The following LRP1B variants were observed in gnomAD, a reference collection of about 807,000 sequenced individuals.
LRP1B encodes low-density lipoprotein receptor-related protein 1B.
A neutral mutation model predicts 556.6 loss-of-function variants in LRP1B; 217 were observed. The observed-to-expected ratio is 0.39, with a 90% CI of 0.35 to 0.44. The LOEUF is 0.44. LRP1B is among the 20% of genes least tolerant of loss of function. The probability of loss-of-function intolerance (pLI) is 1.00; values close to 1 mark genes in which losing one functional copy is unlikely to be tolerated. For synonymous variants in LRP1B, 2,047 were observed against 1,865.8 expected (o/e 1.10, Z -2.50); for missense variants, 5,053 against 5,620.8 (o/e 0.90, Z 3.23).
At chr2:140,601,359 A>C in intron 42 of LRP1B, 91 bp downstream of exon 42, 1 of 1,104,522 alleles carries the variant, frequency 9.1e-7, no homozygotes, top group East Asian at 2.9e-5. Flanking sequence ...TAAAAACTTT[A>C]TTTTTAAAGT....
At chr2:141,524,008 T>A (rs1684610827) in intron 2 of LRP1B, among the ~76,000 whole-genome samples, 1 of 152,134 alleles carries the variant, frequency 6.6e-6, no homozygotes, top group Non-Finnish European at 1.5e-5. Flanking sequence ...ATCAACTATA[T>A]TTCTGTATAA....
intron 2 of LRP1B, among the ~76,000 whole-genome samples, chr2:141,798,927 A>C (rs1695912539): frequency 6.6e-6 from 1 of 151,866 alleles, no homozygotes; most frequent in Non-Finnish European, 1.5e-5. Flanking sequence ...CCTTGTGAGA[A>C]GATGAGACTA....
chr2:140,427,663 A>G (rs1422055002), intron 66 of LRP1B, among the ~76,000 whole-genome samples: 1 of 152,086 alleles, frequency 6.6e-6, no homozygotes, highest in Non-Finnish European at 1.5e-5. Context: ...ACATCGGTCC[A>G]TCCCTGGTCT....
chr2:140,444,791 A>C, intron 63 of LRP1B, 112 bp from the exon 64 acceptor site: 1 of 687,204 alleles, frequency 1.5e-6, no homozygotes, highest in Non-Finnish European at 2.6e-6. Context: ...CCTGGAATAC[A>C]ATGTGAATGT....
chr2:140,391,163 C>T (rs927672460), intron 66 of LRP1B, among the ~76,000 whole-genome samples: 4 of 152,042 alleles, frequency 2.6e-5, no homozygotes, highest in Non-Finnish European at 2.9e-5. Flanking sequence ...GGAATATATT[C>T]ATAACATTGA....
intron 11 of LRP1B, among the ~76,000 whole-genome samples, chr2:141,043,585 A>G (rs188181205): frequency 6.6e-6 from 1 of 152,078 alleles, no homozygotes; most frequent in East Asian, 1.9e-4. Context: ...ATCTAGGTAA[A>G]AATGCTTTGA....
intron 5 of LRP1B, among the ~76,000 whole-genome samples, chr2:141,237,448 C>T (rs991491546): frequency 6.6e-6 from 1 of 150,934 alleles, no homozygotes; most frequent in South Asian, 2.1e-4. Context: ...TCAAGCAATC[C>T]TCCTTCCTTG....
At chr2:140,849,217 A>AAAAAAAAAAAAAAAAC (rs1692367991) in intron 29 of LRP1B, among the ~76,000 whole-genome samples, 1 of 95,862 alleles carries the variant, frequency 1.0e-5, no homozygotes, top group African/African-American at 3.2e-5. Flanking sequence ...AAAAAAAAAA[A>AAAAAAAAAAAAAAAAC]AAAAAAATAG....
chr2:141,027,176 G>T (rs1400222742), intron 11 of LRP1B, among the ~76,000 whole-genome samples: 1 of 152,056 alleles, frequency 6.6e-6, no homozygotes, highest in Non-Finnish European at 1.5e-5. Context: ...GGATGCTTTT[G>T]GTACAAACTT....
chr2:140,337,014 T>TA (rs1248679589), intron 77 of LRP1B, among the ~76,000 whole-genome samples: 1 of 151,870 alleles, frequency 6.6e-6, no homozygotes, highest in South Asian at 2.1e-4. Flanking sequence ...TATGAGTTTT[T>TA]AACACATGAA....
intron 29 of LRP1B, among the ~76,000 whole-genome samples, chr2:140,844,483 T>A (rs1692216519): frequency 6.6e-6 from 1 of 152,038 alleles, no homozygotes; most frequent in South Asian, 2.1e-4. Flanking sequence ...AATTCCCACA[T>A]CTGGTTGTTG....
intron 3 of LRP1B, among the ~76,000 whole-genome samples, chr2:141,350,363 G>A (rs1422618105): frequency 6.6e-6 from 1 of 152,016 alleles, no homozygotes; most frequent in African/African-American, 2.4e-5. Context: ...AGATGGCGAG[G>A]GGAGACTGAA....
At chr2:140,534,810 A>G (rs1419278109) in intron 46 of LRP1B, among the ~76,000 whole-genome samples, 1 of 152,154 alleles carries the variant, frequency 6.6e-6, no homozygotes, top group East Asian at 1.9e-4. Flanking sequence ...ATGTAGATAA[A>G]CACTTGCTGG....
chr2:141,297,669 T>C (rs1350758183), intron 3 of LRP1B, among the ~76,000 whole-genome samples: 2 of 152,192 alleles, frequency 1.3e-5, no homozygotes, highest in African/African-American at 2.4e-5. Flanking sequence ...CCCTACACTT[T>C]ACTTCATCTA....
intron 3 of LRP1B, among the ~76,000 whole-genome samples, chr2:141,399,342 G>A (rs1326509330): frequency 6.6e-6 from 1 of 152,102 alleles, no homozygotes; most frequent in African/African-American, 2.4e-5. Context: ...TTACATGTAT[G>A]TTAACTAACT....
At chr2:142,118,963 G>A (rs1278245175) in intron 1 of LRP1B, among the ~76,000 whole-genome samples, 2 of 152,128 alleles carry the variant, frequency 1.3e-5, no homozygotes, top group African/African-American at 4.8e-5. Context: ...AATTATCAAA[G>A]AGGGTTTGAC....
intron 43 of LRP1B, among the ~76,000 whole-genome samples, chr2:140,563,954 C>T (rs1681032149): frequency 1.3e-5 from 2 of 152,118 alleles, no homozygotes; most frequent in Admixed American, 1.3e-4. Context: ...TCATTACTAA[C>T]ACAAGTGCAA....
In LRP1B at chr2:141,254,683, T is replaced by C. The variant is rs771712114; in HGVS notation, c.344-42A>G. On this transcript the variant is annotated intron_variant, in intron 3 of 90. Coordinates refer to ENST00000389484, the MANE Select transcript of LRP1B (RefSeq NM_018557.3). ...AATATATTCTCTATATTTAACTGTA[T>C]ATGTAAATAGTTTGTATTTCTCAGT... 5 of 1,443,948 alleles carry C rather than the reference T, an allele frequency of 3.5e-6. No homozygotes were observed. In the South Asian group the frequency reaches 4.8e-5, roughly 14 times the overall value. 89.4% of individuals were successfully genotyped at this position (1,443,948 alleles called of 1,614,324 possible). A position where few individuals can be genotyped will look rare whatever the true frequency, so the allele number is the denominator to read the frequency against.
intron 2 of LRP1B, among the ~76,000 whole-genome samples, chr2:141,707,620 T>G (rs1239593931): frequency 6.6e-6 from 1 of 152,172 alleles, no homozygotes; most frequent in African/African-American, 2.4e-5. Flanking sequence ...AAATACATGT[T>G]CTTTATGTTC....
Sources: allele counts gnomAD v4.1 joint callset (sites outside exome capture counted in the v4.1 genomes callset), GRCh38; gene constraint gnomAD v4.1.1; transcripts MANE v1.5; gene names NCBI Gene and HGNC (gene_info 2026-07-23, HGNC 2026-07-21).